Variants in PIPOX observed in about 807,000 individuals in gnomAD.
PIPOX encodes the protein pipecolic acid and sarcosine oxidase.
Under a neutral mutation model 47.9 loss-of-function variants are expected in PIPOX, and 45 were observed. That is an observed-to-expected ratio of 0.94 (90% CI 0.74 to 1.20). PIPOX has a LOEUF of 1.20. Ranked by LOEUF, PIPOX falls within the 50% of genes most tolerant of loss-of-function variation. PIPOX has a pLI of 0.00. For synonymous variants in PIPOX, 165 were observed against 191.3 expected, an observed-to-expected ratio of 0.86 and a Z score of 1.13; for missense variants, 458 against 498.4, an observed-to-expected ratio of 0.92 and a Z score of 0.77.
At chr17:29,055,304 C>T (rs1798124804) in intron 6 of PIPOX, 83 bp downstream of exon 6, 1 of 1,511,534 alleles carries the variant, frequency 6.6e-7, no homozygotes, top group Non-Finnish European at 9.1e-7. Context: ...CTGGCCAGGC[C>T]CGATTGTTTG....
chr17:29,053,505 C>G lies in PIPOX; in HGVS notation c.570C>G (p.Ser190=). 6.2e-7 allele frequency: 1 copy of G among 1,614,100 alleles called. No homozygotes were observed. Among genetic ancestry groups the G allele is most frequent in the Non-Finnish European group, 8.5e-7 (1 of 1,179,958 alleles). ...TACTGGTCACGGTGAAAACCACCTC[C>G]AGGAGCTACCAAGCTAAGAGCTTGG... is the stretch of plus-strand genomic sequence containing the variant. ...PGLLVTVKTT[S]RSYQAKSLVI... The change falls in exon 4 of 8, where the codon TCC becomes TCG. Residue 190 remains serine (S), a synonymous_variant. Coordinates refer to ENST00000323372, the MANE Select transcript of PIPOX (RefSeq NM_016518.3).
In PIPOX at chr17:29,044,984, C is replaced by A. The variant is rs777909741; in HGVS notation, c.240C>A (p.His80Gln). Residue 80 changes from histidine to glutamine, a missense_variant, in exon 2 of 8, where the codon CAC (histidine) becomes CAA (glutamine). His to Gln is a conservative substitution (Grantham distance 24, BLOSUM62 0). Coordinates refer to ENST00000323372, the MANE Select transcript of PIPOX (RefSeq NM_016518.3). ...ECYQIWAQLE[H>Q]EAGTQLHRQT... Reference sequence around the variant, plus strand: ...ATCAGATATGGGCCCAGCTGGAGCACGAGGCTGGAACCCAATTGCACAGGT... The same window carrying A: ...ATCAGATATGGGCCCAGCTGGAGCAAGAGGCTGGAACCCAATTGCACAGGT... 5 of 1,610,198 alleles carry A rather than the reference C, an allele frequency of 3.1e-6. No homozygotes were observed. The East Asian group carries it at 8.9e-5, about 29-fold the overall frequency.
At chr17:29,050,299 T>G (rs764919455) in intron 2 of PIPOX, among the ~76,000 whole-genome samples, 3 of 152,362 alleles carry the variant, frequency 2.0e-5, no homozygotes, top group Middle Eastern at 3.4e-3. Context: ...AGGTGTGGTT[T>G]AAGCCAGGTC....
At chr17:29,050,981 G>A (rs1388169211) in intron 2 of PIPOX, among the ~76,000 whole-genome samples, 1 of 152,058 alleles carries the variant, frequency 6.6e-6, no homozygotes, top group African/African-American at 2.4e-5. Flanking sequence ...AATGAGCCGG[G>A]TGTGGTGGTG....
chr17:29,045,278 C>T (rs762383412), intron 2 of PIPOX, among the ~76,000 whole-genome samples: 2 of 152,094 alleles, frequency 1.3e-5, no homozygotes, highest in Non-Finnish European at 2.9e-5. Context: ...GGCAAGGCAC[C>T]GTGTGGCAGA....
chr17:29,056,351 A>T lies in PIPOX; in HGVS notation c.*46A>T. 6.2e-7 allele frequency: 1 copy of T among 1,608,456 alleles called. No homozygotes were observed. Among genetic ancestry groups the T allele is most frequent in the Non-Finnish European group, 8.5e-7 (1 of 1,175,366 alleles). On this transcript the variant is annotated 3_prime_UTR_variant, in exon 8 of 8. Transcript: ENST00000323372. ...TTCTGTGCACAGGAGCCAGTTTCAC[A>T]GATGGAGAAGATGTCTCAGATGAAG...
Position 29,052,998 on chromosome 17 carries a change from G to A in PIPOX, c.342G>A (p.Arg114=). 1.2e-6 allele frequency: 2 copies of A among 1,614,244 alleles called. 1 individual carries two copies. The highest frequency in any genetic ancestry group is 4.5e-5 in the East Asian group (2 of 44,892). The change falls in exon 3 of 8, where the codon AGG becomes AGA. Residue 114 remains arginine, a synonymous_variant. Coordinates refer to ENST00000323372, the MANE Select transcript of PIPOX (RefSeq NM_016518.3). ...KTIQANLSRQ[R]VEHQCLSSEE... ...TCCAGGCCAATCTGTCGAGGCAGAG[G>A]GTAGAACACCAGTGTCTTTCATCTG...
intron 2 of PIPOX, chr17:29,051,833 C>T: frequency 2.4e-6 from 1 of 424,748 alleles, no homozygotes; most frequent in South Asian, 1.8e-5. Flanking sequence ...GGTGTAGCAT[C>T]CCGGGCCCCT....
chr17:29,047,886 T>C (rs532034772), intron 2 of PIPOX, among the ~76,000 whole-genome samples: 1 of 152,330 alleles, frequency 6.6e-6, no homozygotes, highest in African/African-American at 2.4e-5. Context: ...AAAAGACTGC[T>C]ACTATGCATT....
chr17:29,043,385 C>A, intron 1 of PIPOX, 46 bp downstream of exon 1: 1 of 1,384,014 alleles, frequency 7.2e-7, no homozygotes, highest in Non-Finnish European at 1.0e-6. Context: ...CTGTCCTACC[C>A]TCCTCCCCTG....
intron 5 of PIPOX, 136 bp from the exon 6 acceptor site, chr17:29,054,927 A>G: frequency 8.1e-7 from 1 of 1,238,450 alleles, no homozygotes; most frequent in African/African-American, 1.5e-5. Flanking sequence ...CTCAGGTGAC[A>G]GCCCACAGCA....
At chr17:29,046,866 C>A in intron 2 of PIPOX, 1 of 554,634 alleles carries the variant, frequency 1.8e-6, no homozygotes, top group Non-Finnish European at 2.3e-6. Context: ...CAGCTTTTTT[C>A]ATCTGTGAAG....
intron 2 of PIPOX, among the ~76,000 whole-genome samples, chr17:29,047,025 G>A (rs550123114): frequency 1.3e-5 from 2 of 152,228 alleles, no homozygotes; most frequent in South Asian, 4.1e-4. Flanking sequence ...GGTGGCTCAC[G>A]CCTGTAATCC....
Position 29,055,793 on chromosome 17 carries a change from G to A in PIPOX, c.967-20G>A. 1 of 1,603,488 alleles carries A rather than the reference G, an allele frequency of 6.2e-7. No individual in the cohort carries two copies. Among genetic ancestry groups the A allele is most frequent in the Non-Finnish European group, 8.5e-7 (1 of 1,170,398 alleles). ...TCCCTCGAGCCTCAAAGAACACAAG[G>A]TGTGACTGTTTCTTTCTAGAATACC... is the stretch of plus-strand genomic sequence containing the variant. On this transcript the variant is annotated intron_variant, in intron 6 of 7. Coordinates refer to ENST00000323372, the MANE Select transcript of PIPOX (RefSeq NM_016518.3).
rs57047541 is a variant in PIPOX, at chr17:29,045,403, C to CTTTTTT, written c.263+419_263+424dup. ...GGAGGAGGCTGCTTTCAGGAGGATT[C>CTTTTTT]TTTTTTTTTTTTTTTTTTTTTTTTT... is the stretch of plus-strand genomic sequence containing the variant. On this transcript the variant is annotated intron_variant, in intron 2 of 7. Transcript: ENST00000323372. Among the ~76,000 whole-genome samples, 41 of 50,980 alleles carry CTTTTTT rather than the reference C, an allele frequency of 8.0e-4. 6 individuals are homozygous for CTTTTTT. Among genetic ancestry groups the CTTTTTT allele is most frequent in the East Asian group, 6.1e-3 (8 of 1,314 alleles). 33.4% of individuals were successfully genotyped at this position (50,980 alleles called of 152,430 possible).
Position 29,044,931 on chromosome 17 carries a change from T to C in PIPOX, c.187T>C (p.Phe63Leu), listed in dbSNP as rs750261645. The change falls in exon 2 of 8, where the codon TTT (phenylalanine) becomes CTT (leucine). Residue 63 changes from phenylalanine to leucine, a missense_variant. Physicochemically the swap from Phe to Leu is conservative, Grantham distance 22. Transcript: ENST00000323372. ...AATCCGAAAGGCGTACCTGGAAGAC[T>C]TTTACACCCGGATGATGCATGAGTG... ...RIIRKAYLED[F>L]YTRMMHECYQ... 1.9e-6 allele frequency: 3 copies of C among 1,614,130 alleles called. No individual in the cohort carries two copies. Among genetic ancestry groups the C allele is most frequent in the Admixed American group, 1.7e-5 (1 of 60,014 alleles).
chr17:29,050,200 T>A lies in PIPOX; in HGVS notation c.264-2720T>A, dbSNP rs192232852. Among the ~76,000 whole-genome samples, 5 of 152,236 alleles carry A rather than the reference T, an allele frequency of 3.3e-5. No homozygotes were observed. The East Asian group carries it at 9.7e-4, about 29-fold the overall frequency. ...AAGGGAAAGGAAATCTCAGAGTATA[T>A]GAGAGGCCAAAGCTGGTATATTGCA... On this transcript the variant is annotated intron_variant, in intron 2 of 7. Transcript: ENST00000323372.
At chr17:29,050,971 A>C (rs2065803840) in intron 2 of PIPOX, among the ~76,000 whole-genome samples, 1 of 151,814 alleles carries the variant, frequency 6.6e-6, no homozygotes, top group Admixed American at 6.6e-5. Flanking sequence ...TCAATACAAA[A>C]ATGAGCCGGG....
In PIPOX at chr17:29,053,561, T is replaced by C. The variant is rs1334917707; in HGVS notation, c.626T>C (p.Leu209Pro). The change falls in exon 4 of 8, where the codon CTC (leucine) becomes CCC (proline). Residue 209 changes from leucine to proline, a missense_variant. Physicochemically the swap from Leu to Pro is moderately conservative, Grantham distance 98. Transcript: ENST00000323372. ...ACAGCAGGTCCTTGGACCAACCAGC[T>C]CCTCCGTCCCCTGGGCATTGAGATG... ...VITAGPWTNQ[L>P]LRPLGIEMPL... The C allele has an allele frequency of 1.2e-6, 2 of 1,605,054 alleles. No homozygotes were observed. The highest frequency in any genetic ancestry group is 1.7e-6 in the Non-Finnish European group (2 of 1,173,198).
Sources: allele counts gnomAD v4.1 joint callset (sites outside exome capture counted in the v4.1 genomes callset), GRCh38; gene constraint gnomAD v4.1.1; transcripts MANE v1.5; gene names NCBI Gene and HGNC (gene_info 2026-07-23, HGNC 2026-07-21).